Variants in KDM3B observed in about 807,000 individuals in gnomAD.
KDM3B encodes the protein lysine demethylase 3B, also known as lysine-specific demethylase 3B.
A neutral mutation model predicts 170.0 loss-of-function variants in KDM3B; 10 were observed. That is an observed-to-expected ratio of 0.06 (90% CI 0.04 to 0.10). KDM3B has a LOEUF of 0.10. KDM3B is among the 10% of genes least tolerant of loss of function. The pLI, the probability that KDM3B is intolerant of heterozygous loss-of-function variation, is 1.00. For missense variants in KDM3B, 1,394 were observed against 2,195.2 expected, an observed-to-expected ratio of 0.64 and a Z score of 7.29; for synonymous variants, 831 against 834.8, an observed-to-expected ratio of 1.00 and a Z score of 0.08.
At chr5:138,353,193 C>T (rs2126898399) in intron 1 of KDM3B, among the ~76,000 whole-genome samples, 1 of 152,284 alleles carries the variant, frequency 6.6e-6, no homozygotes. Flanking sequence ...CGGTTTCCCC[C>T]GGGGGGCGGC....
chr5:138,433,792 G>A lies in KDM3B; in HGVS notation c.5206-1828G>A, dbSNP rs532820371. Among the ~76,000 whole-genome samples, 268 of 151,876 alleles carry A rather than the reference G, an allele frequency of 1.8e-3. 2 individuals carry two copies. Among genetic ancestry groups the A allele is most frequent in the African/African-American group, 6.1e-3 (254 of 41,424 alleles). Reference sequence around the variant, plus strand: ...CCCGCTCCGTTGCCCACGCTGGAGGGCAGTGGCGTGATCTTGCCTCACTGC... The same window carrying A: ...CCCGCTCCGTTGCCCACGCTGGAGGACAGTGGCGTGATCTTGCCTCACTGC... On this transcript the variant is annotated intron_variant, in intron 23 of 23. Coordinates refer to ENST00000314358, the MANE Select transcript of KDM3B (RefSeq NM_016604.4).
chr5:138,384,245 TAAA>T (rs759332474), intron 6 of KDM3B, among the ~76,000 whole-genome samples: 1 of 132,458 alleles, frequency 7.5e-6, no homozygotes, highest in Non-Finnish European at 1.6e-5. Context: ...GACTCCGACT[TAAA>T]AAAAAAAAAA....
chr5:138,374,341 C>G, intron 2 of KDM3B: 2 of 430,090 alleles, frequency 4.7e-6, no homozygotes, highest in Non-Finnish European at 9.4e-6. Flanking sequence ...CGGCTCACCA[C>G]CCCGCCTCCC....
rs4835680 is a variant in KDM3B, at chr5:138,400,065, A to C, written c.3199+53A>C. On this transcript the variant is annotated intron_variant, in intron 11 of 23. Transcript: ENST00000314358. The stretch of plus-strand genomic sequence containing the variant: ...GAAAGGTAACGTGGAGGTATGTCCA[A>C]GATGTTGTGGGATTTGAAAATTGAG... 3 of 1,587,580 alleles carry C rather than the reference A, an allele frequency of 1.9e-6. No homozygotes were observed. In the African/African-American group the frequency reaches 4.0e-5, roughly 21 times the overall value.
intron 11 of KDM3B, among the ~76,000 whole-genome samples, chr5:138,413,568 A>G (rs1421747583): frequency 6.6e-6 from 1 of 152,188 alleles, no homozygotes; most frequent in Non-Finnish European, 1.5e-5. Flanking sequence ...AGGTATTTAC[A>G]AGAGAAATAA....
At position 138,427,180 on chromosome 5, in the gene KDM3B, C is replaced by T; in HGVS notation, c.4503-9C>T. The T allele has an allele frequency of 1.2e-6, 2 of 1,610,358 alleles. No individual in the cohort carries two copies. Among genetic ancestry groups the T allele is most frequent in the Non-Finnish European group, 1.7e-6 (2 of 1,176,720 alleles). ...AACAAGCTAAGTCATCTTTCCTGCA[C>T]TTTTATAGGTTTGAAGATCTGATGG... On this transcript the variant is annotated splice_polypyrimidine_tract_variant and intron_variant, in intron 18 of 23. Transcript: ENST00000314358.
At chr5:138,356,361 T>C (rs889099779) in intron 1 of KDM3B, among the ~76,000 whole-genome samples, 4 of 152,318 alleles carry the variant, frequency 2.6e-5, no homozygotes, top group East Asian at 3.9e-4. Flanking sequence ...CTCAGGGTGC[T>C]TGTTTCTCTT....
At chr5:138,379,792 A>T in intron 5 of KDM3B, 84 bp downstream of exon 5, 1 of 1,346,818 alleles carries the variant, frequency 7.4e-7, no homozygotes, top group Non-Finnish European at 1.0e-6. Flanking sequence ...CATTATGTGT[A>T]AGATGACTTG....
chr5:138,400,287 C>T (rs962239342), intron 11 of KDM3B, among the ~76,000 whole-genome samples: 5 of 151,408 alleles, frequency 3.3e-5, no homozygotes, highest in African/African-American at 7.3e-5. Flanking sequence ...CAGGTTGGAG[C>T]GCAGCGGCAC....
chr5:138,398,226 C>T lies in KDM3B; in HGVS notation c.2880C>T (p.Ser960=), dbSNP rs1486700573. The change falls in exon 10 of 24, where the codon AGC becomes AGT. Residue 960 remains serine (S), a synonymous_variant. Coordinates refer to ENST00000314358, the MANE Select transcript of KDM3B (RefSeq NM_016604.4). ...KGVLRVEGFL[S]PQQSDPDAMN... is the part of the protein sequence containing the mutation. ...TACTCCGTGTGGAGGGGTTTTTAAG[C>T]CCCCAGCAAAGTGACCCTGATGCCA... 2 of 1,613,908 alleles carry T rather than the reference C, an allele frequency of 1.2e-6. No individual in the cohort carries two copies. The highest frequency in any genetic ancestry group is 1.7e-6 in the Non-Finnish European group (2 of 1,179,976).
chr5:138,400,064 A>C (rs778207350), intron 11 of KDM3B, 52 bp downstream of exon 11: 1 of 1,593,238 alleles, frequency 6.3e-7, no homozygotes, highest in Non-Finnish European at 8.6e-7. Flanking sequence ...AGGTATGTCC[A>C]AGATGTTGTG....
chr5:138,385,934 T>G (rs1015855334), intron 6 of KDM3B, 88 bp from the exon 7 acceptor site: 3 of 1,464,190 alleles, frequency 2.0e-6, no homozygotes, highest in Non-Finnish European at 2.8e-6. Flanking sequence ...CTGCTTTGTC[T>G]GCTTCTAGAG....
intron 23 of KDM3B, among the ~76,000 whole-genome samples, chr5:138,434,403 C>T (rs1354421987): frequency 1.3e-5 from 2 of 152,060 alleles, no homozygotes; most frequent in Non-Finnish European, 2.9e-5. Flanking sequence ...CAAAAATTAG[C>T]CAGGCATGGT....
intron 4 of KDM3B, among the ~76,000 whole-genome samples, chr5:138,378,789 T>C (rs1448980346): frequency 4.2e-5 from 6 of 144,216 alleles, no homozygotes; most frequent in Non-Finnish European, 9.3e-5. Context: ...TATATATAGA[T>C]TATATATATC....
At chr5:138,379,224 A>G (rs1030415710) in intron 4 of KDM3B, among the ~76,000 whole-genome samples, 18 of 152,168 alleles carry the variant, frequency 1.2e-4, no homozygotes, top group Non-Finnish European at 5.9e-5. Context: ...AGTTAGATAC[A>G]TGTCAGGTAT....
At chr5:138,357,532 GT>G (rs1382082175) in intron 1 of KDM3B, among the ~76,000 whole-genome samples, 3 of 149,924 alleles carry the variant, frequency 2.0e-5, no homozygotes, top group Admixed American at 6.6e-5. Context: ...TCTGGCAAAT[GT>G]TTGTATTTTG....
At chr5:138,422,580 C>G (rs1763299150) in intron 15 of KDM3B, among the ~76,000 whole-genome samples, 1 of 152,104 alleles carries the variant, frequency 6.6e-6, no homozygotes, top group South Asian at 2.1e-4. Context: ...GCAGAAGTTG[C>G]AGTGAGCCAA....
intron 11 of KDM3B, among the ~76,000 whole-genome samples, chr5:138,411,472 T>G (rs1438009999): frequency 1.3e-5 from 2 of 152,180 alleles, no homozygotes; most frequent in Admixed American, 6.5e-5. Context: ...GCTCGTGTCC[T>G]TGGTCTCTTG....
intron 11 of KDM3B, among the ~76,000 whole-genome samples, chr5:138,402,621 A>G (rs1054339618): frequency 6.6e-6 from 1 of 152,248 alleles, no homozygotes; most frequent in Non-Finnish European, 1.5e-5. Flanking sequence ...GCACCTGCCC[A>G]TGAAAGATTA....
Sources: allele counts gnomAD v4.1 joint callset (sites outside exome capture counted in the v4.1 genomes callset), GRCh38; gene constraint gnomAD v4.1.1; transcripts MANE v1.5; gene names NCBI Gene and HGNC (gene_info 2026-07-23, HGNC 2026-07-21).